DHRSX: variants seen among roughly 807,000 people sequenced by gnomAD.
DHRSX encodes the protein polyprenol dehydrogenase.
In DHRSX, 31 loss-of-function variants were observed where a neutral mutation model predicts 34.0. The ratio of observed to expected loss-of-function variants is 0.91; its 90% CI spans 0.69 to 1.23. The LOEUF is 1.23. DHRSX is among the 50% of genes most tolerant of loss of function. The pLI is 0.00. For missense variants in DHRSX, 414 were observed against 428.1 expected (o/e 0.97, Z 0.29); for synonymous variants, 201 against 183.8 (o/e 1.09, Z -0.76).
At chrX:2,248,397 C>A (rs2016348276) in intron 5 of DHRSX, among the ~76,000 whole-genome samples, 2 of 143,866 alleles carry the variant, frequency 1.4e-5, no homozygotes, top group African/African-American at 5.1e-5. Flanking sequence ...TGCGCCACTG[C>A]ATTCCAGCCT....
At chrX:2,324,750 G>C (rs754368005) in intron 3 of DHRSX, among the ~76,000 whole-genome samples, 1 of 151,436 alleles carries the variant, frequency 6.6e-6, no homozygotes, top group Non-Finnish European at 1.5e-5. Context: ...GGGAGTCCTC[G>C]GCAAGGCTTT....
intron 1 of DHRSX, among the ~76,000 whole-genome samples, chrX:2,482,856 G>A (rs1323546817): frequency 3.9e-5 from 6 of 152,100 alleles, no homozygotes; most frequent in African/African-American, 7.2e-5. Context: ...GCCTGAATGT[G>A]AAAAGGCAAT....
At chrX:2,248,020 T>C (rs2016338385) in intron 5 of DHRSX, among the ~76,000 whole-genome samples, 1 of 151,990 alleles carries the variant, frequency 6.6e-6, no homozygotes, top group African/African-American at 2.4e-5. Context: ...TTTCCTATCA[T>C]CGTGCAGTGG....
intron 3 of DHRSX, among the ~76,000 whole-genome samples, chrX:2,300,550 C>T (rs867880514): frequency 2.0e-5 from 3 of 152,140 alleles, no homozygotes; most frequent in Non-Finnish European, 2.9e-5. Flanking sequence ...GCTGCCAGCA[C>T]AGCACATTCA....
At chrX:2,291,027 T>G (rs2041858910) in intron 4 of DHRSX, among the ~76,000 whole-genome samples, 2 of 152,250 alleles carry the variant, frequency 1.3e-5, no homozygotes, top group African/African-American at 2.4e-5. Flanking sequence ...AAGGGTAGTT[T>G]GTGTTGAAGA....
intron 2 of DHRSX, among the ~76,000 whole-genome samples, chrX:2,417,132 T>C (rs1465591125): frequency 6.6e-6 from 1 of 152,194 alleles, no homozygotes; most frequent in African/African-American, 2.4e-5. Context: ...CTCTGTGGGA[T>C]AGGAGACACA....
chrX:2,361,373 A>C (rs7471313), intron 3 of DHRSX, among the ~76,000 whole-genome samples: 3 of 151,988 alleles, frequency 2.0e-5, no homozygotes, highest in East Asian at 1.9e-4. Flanking sequence ...CCAAAGTGCC[A>C]GGATTACAGG....
At chrX:2,496,641 A>G (rs758150412) in intron 1 of DHRSX, among the ~76,000 whole-genome samples, 71 of 152,254 alleles carry the variant, frequency 4.7e-4, no homozygotes, top group African/African-American at 1.6e-3. Flanking sequence ...GAAATAAAAA[A>G]CAAAAATAGC....
chrX:2,486,120 A>G (rs191736225), intron 1 of DHRSX, among the ~76,000 whole-genome samples: 19 of 152,154 alleles, frequency 1.2e-4, no homozygotes, highest in African/African-American at 4.6e-4. Flanking sequence ...CTCCGTTTAT[A>G]CAACTATCCA....
At chrX:2,463,060 C>T (rs1020631874) in intron 1 of DHRSX, among the ~76,000 whole-genome samples, 2 of 152,138 alleles carry the variant, frequency 1.3e-5, no homozygotes, top group Non-Finnish European at 2.9e-5. Flanking sequence ...AGAGAAAATG[C>T]GTCGTCTATG....
At chrX:2,302,383 G>A (rs1321012548) in intron 3 of DHRSX, among the ~76,000 whole-genome samples, 3 of 152,096 alleles carry the variant, frequency 2.0e-5, no homozygotes, top group East Asian at 1.9e-4. Flanking sequence ...AGGCCAAAGC[G>A]GGCGGATCGC....
intron 3 of DHRSX, among the ~76,000 whole-genome samples, chrX:2,324,099 A>G (rs973486201): frequency 1.3e-5 from 2 of 151,450 alleles, no homozygotes; most frequent in Non-Finnish European, 1.5e-5. Context: ...TTTTACGATG[A>G]CTCTGCTTTG....
At chrX:2,365,002 G>T (rs1330899201) in intron 3 of DHRSX, among the ~76,000 whole-genome samples, 1 of 152,046 alleles carries the variant, frequency 6.6e-6, no homozygotes, top group African/African-American at 2.4e-5. Context: ...CCTCCTCAGG[G>T]ACAACTGGCA....
intron 1 of DHRSX, among the ~76,000 whole-genome samples, chrX:2,494,184 C>G (rs1158514413): frequency 6.6e-6 from 1 of 151,396 alleles, no homozygotes; most frequent in Admixed American, 6.6e-5. Context: ...TGCCTGGGGC[C>G]AAGGTTTATA....
chrX:2,432,054 G>T lies in DHRSX; in HGVS notation c.110-6750C>A, dbSNP rs190115218. On this transcript the variant is annotated intron_variant, in intron 1 of 6. Coordinates refer to ENST00000334651, the MANE Select transcript of DHRSX (RefSeq NM_145177.3). ...AAAAATACAAAATTTAGCTGGGCGT[G>T]GTGGTGTGTGCCACCTGTAATCCCA... 2.6e-5 allele frequency among the ~76,000 whole-genome samples: 4 copies of T among 152,210 alleles called. 1 individual carries two copies. The East Asian group carries it at 5.8e-4, about 22-fold the overall frequency.
intron 1 of DHRSX, among the ~76,000 whole-genome samples, chrX:2,453,143 G>A (rs143156333): frequency 4.6e-5 from 7 of 152,234 alleles, no homozygotes; most frequent in South Asian, 2.1e-4. Flanking sequence ...CCATATCATC[G>A]CATATGTAGA....
At chrX:2,295,742 C>A (rs2041923982) in intron 3 of DHRSX, among the ~76,000 whole-genome samples, 1 of 152,112 alleles carries the variant, frequency 6.6e-6, no homozygotes, top group African/African-American at 2.4e-5. Context: ...CAAAATGACT[C>A]AGAAGCAAGG....
At chrX:2,500,244 T>G (rs1569352219) in intron 1 of DHRSX, 1 of 155,350 alleles carries the variant, frequency 6.4e-6, no homozygotes, top group East Asian at 1.8e-4. Flanking sequence ...GGCTCCCCAG[T>G]GCCCGAGAAG....
intron 1 of DHRSX, among the ~76,000 whole-genome samples, chrX:2,479,848 T>C (rs5939473): frequency 0.18 from 26,877 of 151,654 alleles, 2,940 homozygotes; most frequent in Middle Eastern, 0.27. Flanking sequence ...TCCCTAAGAA[T>C]GTGGCTATGG....
Sources: allele counts gnomAD v4.1 joint callset (sites outside exome capture counted in the v4.1 genomes callset), GRCh38; gene constraint gnomAD v4.1.1; transcripts MANE v1.5; gene names NCBI Gene and HGNC (gene_info 2026-07-23, HGNC 2026-07-21).